MEF2C: variants seen among roughly 807,000 people sequenced by gnomAD.
The protein encoded by MEF2C is myocyte-specific enhancer factor 2C.
A neutral mutation model predicts 50.5 loss-of-function variants in MEF2C; 6 were observed. The observed-to-expected ratio is 0.12, with a 90% CI of 0.07 to 0.23. The LOEUF (loss-of-function observed/expected upper bound fraction) is 0.23. Among genes scored for constraint, MEF2C ranks in the 10% least tolerant of loss-of-function variants. The pLI is 1.00. For synonymous variants in MEF2C, 183 were observed against 228.0 expected (o/e 0.80, Z 1.78); for missense variants, 276 against 605.0 (o/e 0.46, Z 5.70).
intron 2 of MEF2C, among the ~76,000 whole-genome samples, chr5:88,820,978 A>T (rs890356643): frequency 5.3e-5 from 8 of 152,128 alleles, no homozygotes; most frequent in Admixed American, 4.6e-4. Flanking sequence ...TTTCAAGTTT[A>T]CTAATTCTGT....
At chr5:88,838,647 T>C (rs1392436777) in intron 1 of MEF2C, 1 of 985,200 alleles carries the variant, frequency 1.0e-6, no homozygotes, top group African/African-American at 1.7e-5. Context: ...TCAAAGTACC[T>C]TGAGTAGGTT....
intron 1 of MEF2C, among the ~76,000 whole-genome samples, chr5:88,873,708 A>ATTTTTTTTTTT (rs199642010): frequency 2.1e-5 from 2 of 93,812 alleles, no homozygotes; most frequent in African/African-American, 4.4e-5. Flanking sequence ...GTCGTCACGG[A>ATTTTTTTTTTT]TTTTTTTTTT....
chr5:88,777,899 C>CTTTTTTT (rs57841792), intron 3 of MEF2C, among the ~76,000 whole-genome samples: 12 of 77,318 alleles, frequency 1.6e-4, no homozygotes, highest in Admixed American at 3.9e-4. Context: ...TTTTTCTTTT[C>CTTTTTTT]TTTTTTTTTT....
chr5:88,785,806 C>A (rs924223450), intron 3 of MEF2C, among the ~76,000 whole-genome samples: 1 of 152,014 alleles, frequency 6.6e-6, no homozygotes, highest in Non-Finnish European at 1.5e-5. Flanking sequence ...TGAAACAAAG[C>A]CTTGTCTTTC....
At chr5:88,806,783 A>T (rs1296958344) in intron 2 of MEF2C, among the ~76,000 whole-genome samples, 1 of 152,242 alleles carries the variant, frequency 6.6e-6, no homozygotes, top group Non-Finnish European at 1.5e-5. Context: ...TGCAAAATAA[A>T]AAATACAAAA....
At chr5:88,760,890 A>G in intron 4 of MEF2C, 1 of 1,343,044 alleles carries the variant, frequency 7.4e-7, no homozygotes, top group Non-Finnish European at 1.0e-6. Context: ...TATCTGTTTG[A>G]CTTTCCGAAG....
chr5:88,831,325 C>T lies in MEF2C; in HGVS notation c.-142-7395G>A, dbSNP rs143548486. Among the ~76,000 whole-genome samples, 298 of 151,906 alleles carry T rather than the reference C, an allele frequency of 2.0e-3. 1 individual carries two copies. The highest frequency in any genetic ancestry group is 6.9e-3 in the African/African-American group (288 of 41,506). On this transcript the variant is annotated intron_variant, in intron 1 of 10. Transcript: ENST00000504921. Reference sequence around the variant, plus strand: ...ACCTGAGTTGTCTTGAGTATTATCACCAGTAAATAATCACAATATTATTAA... The same window carrying T: ...ACCTGAGTTGTCTTGAGTATTATCATCAGTAAATAATCACAATATTATTAA...
intron 6 of MEF2C, chr5:88,734,490 T>C: frequency 1.1e-5 from 11 of 984,364 alleles, no homozygotes; most frequent in Non-Finnish European, 1.3e-5. Context: ...GTGAAATGTG[T>C]TGTCCTGTGA....
At chr5:88,872,530 A>G (rs1169309194) in intron 1 of MEF2C, among the ~76,000 whole-genome samples, 2 of 152,090 alleles carry the variant, frequency 1.3e-5, no homozygotes, top group African/African-American at 4.8e-5. Context: ...GACTGAAAGT[A>G]TTATTGAAAA....
intron 1 of MEF2C, among the ~76,000 whole-genome samples, chr5:88,877,025 AG>A (rs1286862558): frequency 6.6e-6 from 1 of 152,002 alleles, no homozygotes; most frequent in African/African-American, 2.4e-5. Context: ...TCACTGCTTG[AG>A]GACTTGCACT....
chr5:88,723,895 G>A lies in MEF2C; in HGVS notation c.1101-970C>T, dbSNP rs986230974. On this transcript the variant is annotated intron_variant, in intron 10 of 10. Transcript: ENST00000504921. ...AATTTTTCCTTTTTCCAAAATCTGG[G>A]AAAATTTAGAAACTTGGAATTCTAG... Among the ~76,000 whole-genome samples the A allele has an allele frequency of 1.3e-4, 20 of 152,144 alleles. 1 individual carries two copies. The highest frequency in any genetic ancestry group is 1.3e-4 in the Non-Finnish European group (9 of 68,006).
intron 3 of MEF2C, among the ~76,000 whole-genome samples, chr5:88,797,082 A>G (rs995917997): frequency 1.3e-5 from 2 of 152,132 alleles, no homozygotes; most frequent in African/African-American, 4.8e-5. Flanking sequence ...TGGTGCTGAG[A>G]AGAATGCTGA....
chr5:88,861,074 T>G (rs1392926803), intron 1 of MEF2C, among the ~76,000 whole-genome samples: 1 of 152,174 alleles, frequency 6.6e-6, no homozygotes, highest in Non-Finnish European at 1.5e-5. Flanking sequence ...CTATAGAAAA[T>G]TTTCCTGTCA....
intron 1 of MEF2C, among the ~76,000 whole-genome samples, chr5:88,828,815 A>C (rs1811932797): frequency 6.6e-6 from 1 of 152,016 alleles, no homozygotes; most frequent in South Asian, 2.1e-4. Flanking sequence ...TTCAAAAGGT[A>C]TAACCAAATT....
intron 3 of MEF2C, chr5:88,771,577 A>G: frequency 1.0e-6 from 1 of 985,380 alleles, no homozygotes; most frequent in Non-Finnish European, 1.2e-6. Flanking sequence ...TCTGTGAAAA[A>G]TGGGCATCTC....
intron 3 of MEF2C, among the ~76,000 whole-genome samples, chr5:88,796,617 G>A (rs904096708): frequency 2.0e-5 from 3 of 151,894 alleles, no homozygotes; most frequent in Non-Finnish European, 2.9e-5. Context: ...AGGGTTTTTC[G>A]TGTCTCTATC....
chr5:88,838,553 C>G (rs1012708006), intron 1 of MEF2C: 37 of 984,412 alleles, frequency 3.8e-5, no homozygotes, highest in Non-Finnish European at 4.5e-5. Flanking sequence ...TTAAGAATTA[C>G]ACAGAATTCT....
At chr5:88,761,145 A>C (rs1777671715) in intron 4 of MEF2C, 40 bp downstream of exon 4, 1 of 1,613,936 alleles carries the variant, frequency 6.2e-7, no homozygotes, top group African/African-American at 1.3e-5. Flanking sequence ...TCAGAGAAAT[A>C]TCAAGAGTAA....
At chr5:88,736,569 G>T in intron 6 of MEF2C, 1 of 943,650 alleles carries the variant, frequency 1.1e-6, no homozygotes, top group Non-Finnish European at 1.3e-6. Flanking sequence ...GTCTCTACTT[G>T]AGGGGTTCTT....
Sources: gnomAD v4.1 joint callset for allele counts (sites outside exome capture counted in the v4.1 genomes callset) on GRCh38, gnomAD v4.1.1 for gene constraint, MANE v1.5 for transcripts, NCBI Gene and HGNC (gene_info 2026-07-23, HGNC 2026-07-21) for gene names.